RBFOX3: variants seen among roughly 807,000 people sequenced by gnomAD.
RBFOX3 encodes RNA binding protein fox-1 homolog 3.
RBFOX3 carries 17 observed loss-of-function variants against 48.7 expected under a neutral mutation model. That is an observed-to-expected ratio of 0.35 (90% CI 0.24 to 0.52). The LOEUF (loss-of-function observed/expected upper bound fraction) is 0.52, where lower values mean the gene tolerates loss of function less well. Ranked by LOEUF, RBFOX3 falls within the 20% of genes least tolerant of loss-of-function variation. The probability of loss-of-function intolerance (pLI) is 0.94; values close to 1 mark genes in which losing one functional copy is unlikely to be tolerated. For synonymous variants in RBFOX3, 212 were observed against 209.5 expected (o/e 1.01, Z -0.10); for missense variants, 382 against 497.5 (o/e 0.77, Z 2.21).
chr17:79,567,159 A>AT lies in RBFOX3; in HGVS notation c.-320+43666dup, dbSNP rs1221468248. Among the ~76,000 whole-genome samples the AT allele has an allele frequency of 7.6e-4, 82 of 108,178 alleles. 3 individuals carry two copies. In the South Asian group the frequency reaches 0.025, roughly 34 times the overall value. The allele number at this position is 108,178 out of a possible 152,430, so 71.0% of individuals were successfully genotyped here. ...CCACGTATGAGTGAGAACATGTGCT[A>AT]TTTTTTTTCTTTCTTTCTTTCTTTT... On this transcript the variant is annotated intron_variant, in intron 1 of 14. Coordinates refer to ENST00000693108, the MANE Select transcript of RBFOX3 (RefSeq NM_001350451.2).
chr17:79,632,889 T>C, the RBFOX3 span, among the ~76,000 whole-genome samples: 13 of 152,282 alleles, frequency 8.5e-5, no homozygotes, highest in East Asian at 2.5e-3. Flanking sequence ...TACTCCAGCC[T>C]GGGCAACAGA....
chr17:79,104,014 G>T, intron 7 of RBFOX3, 59 bp downstream of exon 7: 1 of 1,435,514 alleles, frequency 7.0e-7, no homozygotes, highest in Non-Finnish European at 9.6e-7. Flanking sequence ...CATTTCACAC[G>T]TTAGCCTGGC....
At position 79,477,454 on chromosome 17, in the gene RBFOX3, G is replaced by A. The variant is rs1441784194; in HGVS notation, c.-175+5000C>T. 6.6e-6 allele frequency among the ~76,000 whole-genome samples: 1 copy of A among 151,908 alleles called. No individual in the cohort carries two copies. Among genetic ancestry groups the A allele is most frequent in the Non-Finnish European group, 1.5e-5 (1 of 67,984 alleles). On this transcript the variant is annotated intron_variant, in intron 2 of 14. Coordinates refer to ENST00000693108, the MANE Select transcript of RBFOX3 (RefSeq NM_001350451.2). The surrounding 1 kb of genome is among the most constrained non-coding windows in gnomAD (Gnocchi z 4.8). The stretch of plus-strand genomic sequence containing the variant: ...GCCTGTAGTCCCAGCTACTTGGGAG[G>A]CTGAGGCAGGAGAATGGCGTGAACC...
At chr17:79,510,328 C>A (rs1205996509) in intron 1 of RBFOX3, among the ~76,000 whole-genome samples, 1 of 152,204 alleles carries the variant, frequency 6.6e-6, no homozygotes, top group Non-Finnish European at 1.5e-5. Context: ...TTGTACCTGA[C>A]CCGCTGCGCA....
intron 4 of RBFOX3, among the ~76,000 whole-genome samples, chr17:79,193,277 G>A (rs1204114613): frequency 6.6e-6 from 1 of 152,190 alleles, no homozygotes; most frequent in Admixed American, 6.5e-5. Flanking sequence ...CCTCCCAGTG[G>A]GGGCAGGGAA....
intron 1 of RBFOX3, among the ~76,000 whole-genome samples, chr17:79,544,271 C>T (rs73426833): frequency 0.031 from 4,649 of 152,166 alleles, 234 homozygotes; most frequent in African/African-American, 0.11. Context: ...ATCTATACAA[C>T]GGAAAAGTAC....
the RBFOX3 span, among the ~76,000 whole-genome samples, chr17:79,659,695 T>C: frequency 6.6e-6 from 1 of 152,076 alleles, no homozygotes; most frequent in African/African-American, 2.4e-5. Flanking sequence ...ACTGCTTTGT[T>C]TAAGAAAATA....
chr17:79,399,076 C>T (rs368413981), intron 2 of RBFOX3, among the ~76,000 whole-genome samples: 2 of 152,132 alleles, frequency 1.3e-5, no homozygotes, highest in African/African-American at 4.8e-5. Flanking sequence ...GCTACAAGCC[C>T]GGGAACCCCT....
intron 3 of RBFOX3, among the ~76,000 whole-genome samples, chr17:79,284,972 T>C (rs767051820): frequency 1.2e-4 from 18 of 152,164 alleles, no homozygotes; most frequent in Non-Finnish European, 2.4e-4. Context: ...TAGACCTCGC[T>C]TTGTAAATGG....
intron 4 of RBFOX3, among the ~76,000 whole-genome samples, chr17:79,140,530 C>T (rs2041714661): frequency 6.6e-6 from 1 of 152,244 alleles, no homozygotes; most frequent in Non-Finnish European, 1.5e-5. Context: ...CTCACGATGG[C>T]CCAGGCGGTG....
At position 79,311,299 on chromosome 17, in the gene RBFOX3, G is replaced by C. The variant is rs1432525471; in HGVS notation, c.-174-3475C>G. On this transcript the variant is annotated intron_variant, in intron 2 of 14. Coordinates refer to ENST00000693108, the MANE Select transcript of RBFOX3 (RefSeq NM_001350451.2). This position sits in a 1 kb window ranked among gnomAD's most constrained non-coding sequence, Gnocchi z 4.2. ...AATACAAAAATTAGCTAGGCATGTT[G>C]GTGGGCACCTGTAGTTCCAGCTACC... Among the ~76,000 whole-genome samples the C allele has an allele frequency of 6.6e-6, 1 of 152,048 alleles. No homozygotes were observed. Among genetic ancestry groups the C allele is most frequent in the African/African-American group, 2.4e-5 (1 of 41,392 alleles).
intron 2 of RBFOX3, among the ~76,000 whole-genome samples, chr17:79,445,895 C>T (rs2072168570): frequency 6.6e-6 from 1 of 152,222 alleles, no homozygotes; most frequent in Non-Finnish European, 1.5e-5. Flanking sequence ...AGGGGCCCTC[C>T]AACCAGGGGT....
chr17:79,503,895 C>G (rs1033637519), intron 1 of RBFOX3, among the ~76,000 whole-genome samples: 1 of 152,194 alleles, frequency 6.6e-6, no homozygotes, highest in Non-Finnish European at 1.5e-5. Context: ...TGGACCAGGA[C>G]GGGGATGCAA....
chr17:79,097,352 C>T lies in RBFOX3; in HGVS notation c.695G>A (p.Arg232Gln), dbSNP rs1311388152. 1.3e-6 allele frequency: 2 copies of T among 1,548,752 alleles called. No homozygotes were observed. Among genetic ancestry groups the T allele is most frequent in the Non-Finnish European group, 1.7e-6 (2 of 1,146,250 alleles). The change falls in exon 11 of 15, where the codon CGG becomes CAG. Residue 232 changes from arginine (R) to glutamine (Q), a missense_variant. This residue lies in a region of RBFOX3 where 215 missense variants were observed against 254.8 expected (regional missense o/e 0.84). Transcript: ENST00000693108. ...YRGAHLRGRGRAVYNTFRAAP... is the reference protein window; with the variant it reads ...YRGAHLRGRGQAVYNTFRAAP... ...AGCCCGAAATGTATTATACACGGCC[C>T]GGCCCCGGCCCCGAAGATGTGCGCC... is the stretch of plus-strand genomic sequence containing the variant.
chr17:79,354,904 C>T (rs539467313), intron 2 of RBFOX3, among the ~76,000 whole-genome samples: 1 of 152,232 alleles, frequency 6.6e-6, no homozygotes, highest in East Asian at 1.9e-4. Context: ...AAATTAAAAG[C>T]TATAATTAGC....
intron 2 of RBFOX3, among the ~76,000 whole-genome samples, chr17:79,383,835 G>A (rs1448571279): frequency 6.6e-6 from 1 of 152,164 alleles, no homozygotes; most frequent in Non-Finnish European, 1.5e-5. Context: ...AGAGCAGAAA[G>A]AGGCCTCCCT....
intron 3 of RBFOX3, among the ~76,000 whole-genome samples, chr17:79,277,308 G>GT (rs1600371156): frequency 3.4e-5 from 5 of 148,252 alleles, no homozygotes; most frequent in Non-Finnish European, 6.0e-5. Flanking sequence ...TGGGGAGGGG[G>GT]GGGGTAGTGC....
intron 2 of RBFOX3, among the ~76,000 whole-genome samples, chr17:79,398,017 A>T (rs1176529756): frequency 6.6e-6 from 1 of 152,152 alleles, no homozygotes; most frequent in Non-Finnish European, 1.5e-5. Flanking sequence ...TTTAGGGTAC[A>T]GACAGTATCA....
intron 2 of RBFOX3, among the ~76,000 whole-genome samples, chr17:79,437,013 A>C (rs2069623731): frequency 6.6e-6 from 1 of 152,086 alleles, no homozygotes; most frequent in Non-Finnish European, 1.5e-5. Flanking sequence ...CAGAGAGTGG[A>C]GTCTCAACTG....
Sources: allele counts gnomAD v4.1 joint callset (sites outside exome capture counted in the v4.1 genomes callset), GRCh38; gene constraint gnomAD v4.1.1; regional missense constraint gnomAD v4.1.1; non-coding constraint Gnocchi (gnomAD v3.1); transcripts MANE v1.5; gene names NCBI Gene and HGNC (gene_info 2026-07-23, HGNC 2026-07-21).